Variants in RHD observed in about 807,000 individuals in gnomAD.
RHD encodes the protein Rh blood group D antigen, also known as blood group Rh(D) polypeptide.
In RHD, 16 loss-of-function variants were observed where a neutral mutation model predicts 45.5. The observed-to-expected ratio is 0.35, with a 90% CI of 0.24 to 0.53. The LOEUF (loss-of-function observed/expected upper bound fraction) is 0.53. Among genes scored for constraint, RHD ranks in the 20% least tolerant of loss-of-function variants. The pLI, the probability that RHD is intolerant of heterozygous loss-of-function variation, is 0.92. For synonymous variants in RHD, 131 were observed against 217.5 expected (o/e 0.60, Z 3.50); for missense variants, 306 against 532.0 (o/e 0.58, Z 4.18).
Position 25,306,968 on chromosome 1 carries a change from C to T in RHD, c.1073+239C>T. The T allele has an allele frequency of 8.6e-6, 4 of 465,774 alleles. 1 individual carries two copies. The highest frequency in any genetic ancestry group is 1.7e-5 in the Non-Finnish European group (4 of 230,212). The allele number at this position is 465,774 out of a possible 1,614,324, so 28.9% of individuals were successfully genotyped here. On this transcript the variant is annotated intron_variant, in intron 7 of 9. Coordinates refer to ENST00000328664, the MANE Select transcript of RHD (RefSeq NM_016124.6). ...GGGCCACCTAGGTATAGACCAAAGACACGAAATCTTTTGTGATCCCACAAA... is the reference window on the plus strand; with the variant it reads ...GGGCCACCTAGGTATAGACCAAAGATACGAAATCTTTTGTGATCCCACAAA...
chr1:25,281,857 C>A (rs1232958185), intron 1 of RHD, among the ~76,000 whole-genome samples: 1 of 132,708 alleles, frequency 7.5e-6, no homozygotes, highest in African/African-American at 2.6e-5. Flanking sequence ...AGTGTCCTCC[C>A]TTGTCCTCTC....
intron 7 of RHD, among the ~76,000 whole-genome samples, chr1:25,309,250 A>G (rs1644015348): frequency 1.5e-5 from 2 of 131,952 alleles, no homozygotes; most frequent in African/African-American, 5.3e-5. Flanking sequence ...AGTAATGGGA[A>G]GGCACACTGA....
At chr1:25,299,391 A>T (rs1374599106) in intron 3 of RHD, among the ~76,000 whole-genome samples, 1 of 130,430 alleles carries the variant, frequency 7.7e-6, no homozygotes, top group Admixed American at 7.5e-5. Flanking sequence ...AAAAATAAAT[A>T]AATAAATAAA....
chr1:25,299,197 C>T (rs1215361304), intron 3 of RHD, among the ~76,000 whole-genome samples: 1 of 125,912 alleles, frequency 7.9e-6, no homozygotes, highest in African/African-American at 2.7e-5. Flanking sequence ...GGCTGGGGAA[C>T]ATGGTGAAAC....
chr1:25,306,960 A>T, intron 7 of RHD: 1 of 479,940 alleles, frequency 2.1e-6, no homozygotes, highest in South Asian at 1.7e-5. Flanking sequence ...CTAGGTATAG[A>T]CCAAAGACAC....
Position 25,329,150 on chromosome 1 carries a change from A to G in RHD, c.*226A>G, listed in dbSNP as rs542784970. 5 of 1,054,158 alleles carry G rather than the reference A, an allele frequency of 4.7e-6. No individual in the cohort carries two copies. Among genetic ancestry groups the G allele is most frequent in the Admixed American group, 2.1e-5 (1 of 46,784 alleles). 65.3% of individuals were successfully genotyped at this position (1,054,158 alleles called of 1,614,324 possible). On this transcript the variant is annotated 3_prime_UTR_variant, in exon 10 of 10. Coordinates refer to ENST00000328664, the MANE Select transcript of RHD (RefSeq NM_016124.6). ...ATACAACAATAAAATACAGCCATGT[A>G]CCACATAACAACATCTTGGTAAACA...
At chr1:25,302,166 G>A (rs1297681100) in intron 5 of RHD, among the ~76,000 whole-genome samples, 1 of 131,426 alleles carries the variant, frequency 7.6e-6, no homozygotes, top group East Asian at 1.9e-4. Context: ...TGTAAAGTGG[G>A]AATTAAGAGA....
chr1:25,282,357 C>T (rs1451409818), intron 1 of RHD, among the ~76,000 whole-genome samples: 1 of 131,216 alleles, frequency 7.6e-6, no homozygotes, highest in Non-Finnish European at 1.8e-5. Flanking sequence ...GCCTGCCTCC[C>T]GAGTAGCTGG....
rs1334863902 is a variant in RHD, at chr1:25,279,959, T to G, written c.149-4614T>G. On this transcript the variant is annotated intron_variant, in intron 1 of 9. Coordinates refer to ENST00000328664, the MANE Select transcript of RHD (RefSeq NM_016124.6). ...AGGTGGAGGCTGATACCAGTGAGGA[T>G]GCTCCAAGCTGGGACCCAGCCCTGA... Among the ~76,000 whole-genome samples the G allele has an allele frequency of 1.6e-5, 2 of 128,580 alleles. 1 individual carries two copies. Among genetic ancestry groups the G allele is most frequent in the Non-Finnish European group, 3.6e-5 (2 of 54,968 alleles). The allele number at this position is 128,580 out of a possible 152,430, so 84.4% of individuals were successfully genotyped here.
intron 1 of RHD, 99 bp from the exon 2 acceptor site, chr1:25,284,474 T>C: frequency 1.8e-6 from 2 of 1,118,958 alleles, no homozygotes; most frequent in Non-Finnish European, 2.7e-6. Context: ...CGATCTTGCA[T>C]GCCCCTTCCA....
rs1640641599 is a variant in RHD, at chr1:25,273,193, T to G, written c.148+498T>G. Among the ~76,000 whole-genome samples the G allele has an allele frequency of 1.5e-5, 2 of 129,454 alleles. 1 individual carries two copies. The highest frequency in any genetic ancestry group is 1.5e-4 in the Admixed American group (2 of 13,196). 84.9% of individuals were successfully genotyped at this position (129,454 alleles called of 152,430 possible). On this transcript the variant is annotated intron_variant, in intron 1 of 9. Transcript: ENST00000328664. ...CTCTGTTGCCCAGGCTGAAGTGCAGTGGCATGATCATGGTTCACTGCAGCC... is the reference window on the plus strand; with the variant it reads ...CTCTGTTGCCCAGGCTGAAGTGCAGGGGCATGATCATGGTTCACTGCAGCC...
intron 1 of RHD, among the ~76,000 whole-genome samples, chr1:25,275,017 G>C (rs1557510436): frequency 7.7e-6 from 1 of 129,186 alleles, no homozygotes; most frequent in Non-Finnish European, 1.8e-5. Context: ...GACTGGGTGT[G>C]GTGACTCATG....
In RHD at chr1:25,318,919, C is replaced by CA. The variant is rs201853263; in HGVS notation, c.1153+1841dup. ...ATTGGCTAGAATTGCTTTAATATAC[C>CA]ATGTCTGGCCTTAGCTTTTTGCAGA... is the stretch of plus-strand genomic sequence containing the variant. On this transcript the variant is annotated intron_variant, in intron 8 of 9. Coordinates refer to ENST00000328664, the MANE Select transcript of RHD (RefSeq NM_016124.6). Among the ~76,000 whole-genome samples, 142 of 132,522 alleles carry CA rather than the reference C, an allele frequency of 1.1e-3. 16 individuals carry two copies. In the East Asian group the frequency reaches 0.012, roughly 11 times the overall value. 86.9% of individuals were successfully genotyped at this position (132,522 alleles called of 152,430 possible).
At position 25,290,930 on chromosome 1, in the gene RHD, G is replaced by A; in HGVS notation, c.486+139G>A. ...AGGTTGAGGAGGGAAGATCACTTGAGGCCAGGAGTTTGAGACCAGCCTGGG... is the reference window on the plus strand; with the variant it reads ...AGGTTGAGGAGGGAAGATCACTTGAAGCCAGGAGTTTGAGACCAGCCTGGG... On this transcript the variant is annotated intron_variant, in intron 3 of 9. Coordinates refer to ENST00000328664, the MANE Select transcript of RHD (RefSeq NM_016124.6). 4.2e-6 allele frequency: 4 copies of A among 948,090 alleles called. No homozygotes were observed. In the Admixed American group the frequency reaches 5.9e-5, roughly 14 times the overall value. 58.7% of individuals were successfully genotyped at this position (948,090 alleles called of 1,614,324 possible). A position where few individuals can be genotyped will look rare whatever the true frequency, so the allele number is the denominator to read the frequency against.
In RHD at chr1:25,329,875, AG is replaced by A. The variant is rs1310680979; in HGVS notation, c.*953del. The A allele has an allele frequency of 7.7e-6, 1 of 130,490 alleles. No homozygotes were observed. The highest frequency in any genetic ancestry group is 1.8e-5 in the Non-Finnish European group (1 of 55,150). The allele number at this position is 130,490 out of a possible 1,614,324, so 8.1% of individuals were successfully genotyped here. A position where few individuals can be genotyped will look rare whatever the true frequency, so the allele number is the denominator to read the frequency against. Reference sequence around the variant, plus strand: ...CCATGTTGGCTAGGATAGTTTCACCAGGATCTCTTGGCCTCATGATCAGCCT... The same window carrying A: ...CCATGTTGGCTAGGATAGTTTCACCAGATCTCTTGGCCTCATGATCAGCCT... On this transcript the variant is annotated 3_prime_UTR_variant, in exon 10 of 10. Transcript: ENST00000328664.
chr1:25,303,638 C>G lies in RHD; in HGVS notation c.939+179C>G, dbSNP rs371490489. On this transcript the variant is annotated intron_variant, in intron 6 of 9. Coordinates refer to ENST00000328664, the MANE Select transcript of RHD (RefSeq NM_016124.6). ...TCGGTGGCGCATTTGTTAAGATGCT[C>G]GGGAGCAGGTGGCAGAACCCATTTG... Among the ~76,000 whole-genome samples, 314 of 130,594 alleles carry G rather than the reference C, an allele frequency of 2.4e-3. 52 individuals are homozygous for G. Among genetic ancestry groups the G allele is most frequent in the African/African-American group, 6.5e-3 (247 of 37,980 alleles). 85.7% of individuals were successfully genotyped at this position (130,594 alleles called of 152,430 possible).
chr1:25,321,169 T>G (rs1390522062), intron 8 of RHD, among the ~76,000 whole-genome samples: 1 of 129,938 alleles, frequency 7.7e-6, no homozygotes, highest in Non-Finnish European at 1.8e-5. Context: ...TCCCAGGAGT[T>G]GACTGGAGCC....
At position 25,308,665 on chromosome 1, in the gene RHD, G is replaced by C. The variant is rs1436565542; in HGVS notation, c.1073+1936G>C. Among the ~76,000 whole-genome samples the C allele has an allele frequency of 6.9e-5, 9 of 130,430 alleles. 1 individual carries two copies. The highest frequency in any genetic ancestry group is 2.4e-4 in the African/African-American group (9 of 37,920). 85.6% of individuals were successfully genotyped at this position (130,430 alleles called of 152,430 possible). A position where few individuals can be genotyped will look rare whatever the true frequency, so the allele number is the denominator to read the frequency against. ...AACAATCAGCCCACTGAGCCTATGG[G>C]AACTGGCTCCAGCACATCCCTGCAA... On this transcript the variant is annotated intron_variant, in intron 7 of 9. Coordinates refer to ENST00000328664, the MANE Select transcript of RHD (RefSeq NM_016124.6).
In RHD at chr1:25,280,857, C is replaced by G. The variant is rs201507704; in HGVS notation, c.149-3716C>G. On this transcript the variant is annotated intron_variant, in intron 1 of 9. Transcript: ENST00000328664. ...AACTCCTCAGCTCAAGCAATCCTCC[C>G]TCCTTGGCCTCCCAAAGTGCTGGGA... Among the ~76,000 whole-genome samples the G allele has an allele frequency of 2.3e-5, 3 of 132,116 alleles. 1 individual carries two copies. The East Asian group carries it at 5.9e-4, about 26-fold the overall frequency. 86.7% of individuals were successfully genotyped at this position (132,116 alleles called of 152,430 possible).
Sources: gnomAD v4.1 joint callset for allele counts (sites outside exome capture counted in the v4.1 genomes callset) on GRCh38, gnomAD v4.1.1 for gene constraint, MANE v1.5 for transcripts, NCBI Gene and HGNC (gene_info 2026-07-23, HGNC 2026-07-21) for gene names.